The following CTNNA3 variants were observed in gnomAD, a reference collection of about 807,000 sequenced individuals.
The protein encoded by CTNNA3 is catenin alpha 3.
In CTNNA3, 76 loss-of-function variants were observed where a neutral mutation model predicts 95.7. The observed-to-expected ratio is 0.79, with a 90% CI of 0.66 to 0.96. The LOEUF (loss-of-function observed/expected upper bound fraction) is 0.96, where lower values mean the gene tolerates loss of function less well. Ranked by LOEUF, CTNNA3 falls within the 40% of genes least tolerant of loss-of-function variation. CTNNA3 has a pLI of 0.00. For synonymous variants in CTNNA3, 431 were observed against 374.4 expected, an observed-to-expected ratio of 1.15 and a Z score of -1.74; for missense variants, 1,191 against 1,089.8, an observed-to-expected ratio of 1.09 and a Z score of -1.31.
chr10:67,082,184 G>A (rs1030716199), intron 7 of CTNNA3, among the ~76,000 whole-genome samples: 1 of 152,024 alleles, frequency 6.6e-6, no homozygotes, highest in South Asian at 2.1e-4. Flanking sequence ...ATTAAAAATT[G>A]GATCTGCTAC....
chr10:66,012,972 C>T (rs2079032756), intron 15 of CTNNA3, among the ~76,000 whole-genome samples: 1 of 152,204 alleles, frequency 6.6e-6, no homozygotes, highest in Admixed American at 6.5e-5. Flanking sequence ...ACCATCTTGG[C>T]TCACTGCAAC....
chr10:66,518,982 A>G (rs1840959902), intron 11 of CTNNA3, among the ~76,000 whole-genome samples: 1 of 152,118 alleles, frequency 6.6e-6, no homozygotes, highest in Non-Finnish European at 1.5e-5. Flanking sequence ...CATACATGAA[A>G]GTAATGAAGT....
rs59359956 is a variant in CTNNA3, at chr10:66,652,097, T to TAAA, written c.1282-30316_1282-30314dup. On this transcript the variant is annotated intron_variant, in intron 9 of 17. Transcript: ENST00000433211. Reference sequence around the variant, plus strand: ...AAACAAATGTTACACCTCAAGGAACTAAAAAAAAAAAAAAAAAAAAAACTA... The same window carrying TAAA: ...AAACAAATGTTACACCTCAAGGAACTAAAAAAAAAAAAAAAAAAAAAAAAACTA... 1.6e-4 allele frequency among the ~76,000 whole-genome samples: 20 copies of TAAA among 122,378 alleles called. 1 individual carries two copies. Among genetic ancestry groups the TAAA allele is most frequent in the Admixed American group, 2.4e-4 (3 of 12,342 alleles). The allele number at this position is 122,378 out of a possible 152,430, so 80.3% of individuals were successfully genotyped here.
chr10:67,582,914 A>T (rs1038005864), intron 3 of CTNNA3, among the ~76,000 whole-genome samples: 8 of 152,052 alleles, frequency 5.3e-5, no homozygotes, highest in Admixed American at 4.6e-4. Context: ...TTTGCTTGGT[A>T]GATCTTCCTC....
At chr10:66,653,350 T>C (rs1286599506) in intron 9 of CTNNA3, among the ~76,000 whole-genome samples, 2 of 151,690 alleles carry the variant, frequency 1.3e-5, no homozygotes, top group Non-Finnish European at 2.9e-5. Context: ...AAGAAAACTA[T>C]CCCATTTATA....
At chr10:66,867,012 C>T (rs923287828) in intron 7 of CTNNA3, among the ~76,000 whole-genome samples, 1 of 152,074 alleles carries the variant, frequency 6.6e-6, no homozygotes, top group African/African-American at 2.4e-5. Context: ...TCTCCTTTCC[C>T]TTGGCTCTCA....
chr10:66,665,008 A>C (rs1385551040), intron 9 of CTNNA3, among the ~76,000 whole-genome samples: 1 of 152,074 alleles, frequency 6.6e-6, no homozygotes, highest in Non-Finnish European at 1.5e-5. Context: ...AGAGCGGATA[A>C]AAAATTATGT....
intron 9 of CTNNA3, among the ~76,000 whole-genome samples, chr10:66,747,652 G>T (rs1041027234): frequency 6.6e-6 from 1 of 152,142 alleles, no homozygotes; most frequent in African/African-American, 2.4e-5. Flanking sequence ...TTACATGTGG[G>T]TTGGTCATGG....
At chr10:66,936,927 G>A (rs769136691) in intron 7 of CTNNA3, among the ~76,000 whole-genome samples, 1 of 152,168 alleles carries the variant, frequency 6.6e-6, no homozygotes, top group Non-Finnish European at 1.5e-5. Flanking sequence ...ATAGCCAGCA[G>A]GGTTGGGGAA....
chr10:66,241,436 A>C (rs1026269991), intron 13 of CTNNA3, among the ~76,000 whole-genome samples: 1 of 152,224 alleles, frequency 6.6e-6, no homozygotes, highest in Admixed American at 6.5e-5. Flanking sequence ...TACAAAGTTA[A>C]GTAAATCTTA....
rs1841360163 is a variant in CTNNA3 at position 67,744,188 on chromosome 10, T to A, written c.-2+19246A>T. 5.3e-5 allele frequency among the ~76,000 whole-genome samples: 8 copies of A among 151,178 alleles called. No homozygotes were observed. The Admixed American group carries it at 5.3e-4, about 10-fold the overall frequency. ...ATATGGAACCAAAAAAGAGCCCGCA[T>A]CAGCAAGTCAGTCCTAAGCCAAAAG... On this transcript the variant is annotated intron_variant, in intron 1 of 17. Coordinates refer to the CTNNA3 transcript ENST00000684154.
intron 7 of CTNNA3, among the ~76,000 whole-genome samples, chr10:67,101,974 G>A (rs1293035768): frequency 1.3e-5 from 2 of 151,578 alleles, no homozygotes; most frequent in African/African-American, 2.4e-5. Flanking sequence ...GAAGTTATGG[G>A]ACTGGCAGGT....
At chr10:66,150,547 T>G (rs2084147603) in intron 13 of CTNNA3, among the ~76,000 whole-genome samples, 1 of 151,964 alleles carries the variant, frequency 6.6e-6, no homozygotes, top group South Asian at 2.1e-4. Flanking sequence ...ATGGGCTACA[T>G]GTAATATTTT....
intron 7 of CTNNA3, among the ~76,000 whole-genome samples, chr10:66,905,982 A>G (rs576017554): frequency 3.4e-4 from 52 of 152,310 alleles, no homozygotes; most frequent in African/African-American, 1.2e-3. Context: ...ATCTCATGTT[A>G]AGGGTTCTTA....
rs79692745 is a variant in CTNNA3 at position 66,442,337 on chromosome 10, T to C, written c.1532-62985A>G. Among the ~76,000 whole-genome samples, 88 of 141,610 alleles carry C rather than the reference T, an allele frequency of 6.2e-4. No individual in the cohort carries two copies. In the East Asian group the frequency reaches 0.015, roughly 24 times the overall value. 92.9% of individuals were successfully genotyped at this position (141,610 alleles called of 152,430 possible). ...CCCCATGGATACCGAGGGATGGCTG[T>C]ATAATATGGATTAGGTTTTTTTTTC... On this transcript the variant is annotated intron_variant, in intron 11 of 17. Coordinates refer to ENST00000433211, the MANE Select transcript of CTNNA3 (RefSeq NM_013266.4).
At chr10:66,913,995 T>C (rs774121489) in intron 7 of CTNNA3, among the ~76,000 whole-genome samples, 13 of 152,180 alleles carry the variant, frequency 8.5e-5, no homozygotes, top group Admixed American at 2.6e-4. Flanking sequence ...ACATCTTCCA[T>C]GTAGGAGCGG....
Position 66,155,971 on chromosome 10 carries a change from G to C in CTNNA3, c.1885-52722C>G, listed in dbSNP as rs559632952. Among the ~76,000 whole-genome samples, 132 of 151,928 alleles carry C rather than the reference G, an allele frequency of 8.7e-4. 1 individual carries two copies. Among genetic ancestry groups the C allele is most frequent in the African/African-American group, 3.1e-3 (128 of 41,534 alleles). ...GAAAAAATGAACAAAAGATTGAAAA[G>C]ACACTTTATCAAAGAATATATCCAA... On this transcript the variant is annotated intron_variant, in intron 13 of 17. Transcript: ENST00000433211.
At chr10:66,718,767 T>G (rs1848535096) in intron 9 of CTNNA3, among the ~76,000 whole-genome samples, 1 of 152,078 alleles carries the variant, frequency 6.6e-6, no homozygotes, top group African/African-American at 2.4e-5. Context: ...GTGCTTGTCA[T>G]AGCAGGTGAT....
chr10:66,833,983 C>A (rs1842811687), intron 7 of CTNNA3, among the ~76,000 whole-genome samples: 1 of 152,096 alleles, frequency 6.6e-6, no homozygotes, highest in African/African-American at 2.4e-5. Flanking sequence ...GTTGTCTTGC[C>A]AAAATGTTAT....
Sources: gnomAD v4.1 joint callset for allele counts (sites outside exome capture counted in the v4.1 genomes callset) on GRCh38, gnomAD v4.1.1 for gene constraint, MANE v1.5 for transcripts, NCBI Gene and HGNC (gene_info 2026-07-23, HGNC 2026-07-21) for gene names.